The following LINGO1 variants were observed in gnomAD, a reference collection of about 807,000 sequenced individuals.
LINGO1 encodes the protein leucine-rich repeat and immunoglobulin-like domain-containing nogo receptor-interacting protein 1.
LINGO1 carries 11 observed loss-of-function variants against 37.3 expected under a neutral mutation model. The ratio of observed to expected loss-of-function variants is 0.29; its 90% CI spans 0.19 to 0.49. The LOEUF (loss-of-function observed/expected upper bound fraction) is 0.49, where lower values mean the gene tolerates loss of function less well. Ranked by LOEUF, LINGO1 falls within the 20% of genes least tolerant of loss-of-function variation. LINGO1 has a pLI of 0.99. For missense variants in LINGO1, 585 were observed against 878.2 expected, an observed-to-expected ratio of 0.67 and a Z score of 4.22; for synonymous variants, 387 against 403.0, an observed-to-expected ratio of 0.96 and a Z score of 0.48.
In LINGO1 at chr15:77,621,866, C is replaced by T. The variant is rs189174575; in HGVS notation, c.7-5966G>A. Among the ~76,000 whole-genome samples, 234 of 152,304 alleles carry T rather than the reference C, an allele frequency of 1.5e-3. 2 individuals carry two copies. Among genetic ancestry groups the T allele is most frequent in the African/African-American group, 5.2e-3 (216 of 41,560 alleles). On this transcript the variant is annotated intron_variant, in intron 1 of 1. Coordinates refer to ENST00000355300, the MANE Select transcript of LINGO1 (RefSeq NM_032808.7). ...CCAGGTTTATGGTATCAGTATTTCA[C>T]GGTGCTCCCACTCAGCGTTCCTCGG...
intron 2 of LINGO1, among the ~76,000 whole-genome samples, chr15:77,732,209 G>T (rs757043683): frequency 6.6e-6 from 1 of 152,204 alleles, no homozygotes; most frequent in Non-Finnish European, 1.5e-5. Flanking sequence ...TTTACTGCTA[G>T]GTCCACCCAC....
At chr15:77,711,467 G>A (rs2141293078) in intron 2 of LINGO1, among the ~76,000 whole-genome samples, 1 of 152,278 alleles carries the variant, frequency 6.6e-6, no homozygotes, top group South Asian at 2.1e-4. Context: ...TAGGCCTGAG[G>A]CCTGCATCCT....
At chr15:77,814,691 C>A (rs1337832935) in intron 1 of LINGO1, among the ~76,000 whole-genome samples, 4 of 152,200 alleles carry the variant, frequency 2.6e-5, no homozygotes, top group Non-Finnish European at 5.9e-5. Context: ...CAAGCTCACC[C>A]AGCTTGAAGC....
intron 2 of LINGO1, among the ~76,000 whole-genome samples, chr15:77,688,255 C>T (rs116081173): frequency 0.033 from 5,087 of 152,338 alleles, 326 homozygotes; most frequent in African/African-American, 0.12. Flanking sequence ...AAGCCCCCCA[C>T]TGTCTCTGCT....
At chr15:77,723,080 C>T (rs1008875839) in intron 2 of LINGO1, among the ~76,000 whole-genome samples, 1 of 152,166 alleles carries the variant, frequency 6.6e-6, no homozygotes, top group Non-Finnish European at 1.5e-5. Flanking sequence ...CCTCTCTGAG[C>T]TCTAGTTTTC....
At chr15:77,622,234 C>T (rs56340837) in intron 1 of LINGO1, among the ~76,000 whole-genome samples, 2,513 of 151,234 alleles carry the variant, frequency 0.017, 75 homozygotes, top group African/African-American at 0.058. Context: ...CAGAGACACC[C>T]GGGAGACACG....
chr15:77,771,656 G>T (rs2076586832), intron 1 of LINGO1, among the ~76,000 whole-genome samples: 1 of 152,232 alleles, frequency 6.6e-6, no homozygotes, highest in Non-Finnish European at 1.5e-5. Flanking sequence ...CACCCGAGGA[G>T]GAGGAGACTG....
At chr15:77,742,927 T>C (rs984993553) in intron 1 of LINGO1, among the ~76,000 whole-genome samples, 9 of 152,190 alleles carry the variant, frequency 5.9e-5, no homozygotes, top group South Asian at 2.1e-4. Context: ...TCACAGCCAG[T>C]GCATTTCCAC....
rs112299145 is a variant in LINGO1 at position 77,736,465 on chromosome 15, A to G, written c.-256-1412T>C. Among the ~76,000 whole-genome samples the G allele has an allele frequency of 1.4e-4, 21 of 152,226 alleles. 1 individual carries two copies. The highest frequency in any genetic ancestry group is 4.6e-4 in the African/African-American group (19 of 41,522). On this transcript the variant is annotated intron_variant, in intron 1 of 3. Coordinates refer to the LINGO1 transcript ENST00000561686. ...TGCTGTGTTGATCCTCATTTTGTAG[A>G]TGAGAAACTGAAGTGGGCCAGATGT...
intron 3 of LINGO1, among the ~76,000 whole-genome samples, chr15:77,652,481 A>AGTGTGT (rs1490464576): frequency 1.8e-5 from 1 of 56,296 alleles, no homozygotes; most frequent in Non-Finnish European, 3.5e-5. Flanking sequence ...CTGGGGAGGG[A>AGTGTGT]GAGTGTGTGT....
At chr15:77,777,487 A>G (rs2076672868) in intron 1 of LINGO1, among the ~76,000 whole-genome samples, 1 of 120,172 alleles carries the variant, frequency 8.3e-6, no homozygotes, top group African/African-American at 3.1e-5. Flanking sequence ...ACACACACAC[A>G]CACACACACA....
upstream of LINGO1, among the ~76,000 whole-genome samples, chr15:77,636,232 C>A (rs534648172): frequency 6.6e-6 from 1 of 152,080 alleles, no homozygotes; most frequent in African/African-American, 2.4e-5. Flanking sequence ...GGAGCTGGGG[C>A]AAGGACCAAG....
intron 1 of LINGO1, among the ~76,000 whole-genome samples, chr15:77,806,251 G>A (rs986604479): frequency 2.0e-5 from 3 of 152,006 alleles, no homozygotes; most frequent in South Asian, 2.1e-4. Flanking sequence ...TGAGAGACGC[G>A]AGGGCAGAGG....
At chr15:77,635,043 C>T (rs981548481), upstream of LINGO1, among the ~76,000 whole-genome samples, 1 of 152,214 alleles carries the variant, frequency 6.6e-6, no homozygotes. Flanking sequence ...AGAGCCCACT[C>T]ATTCCACCCC....
At chr15:77,634,418 A>C, upstream of LINGO1, 1 of 446,770 alleles carries the variant, frequency 2.2e-6, no homozygotes, top group African/African-American at 2.0e-5. Flanking sequence ...AGTCCCTCCT[A>C]GCAGGCGTCC....
chr15:77,751,574 T>A (rs1464783679), intron 1 of LINGO1, among the ~76,000 whole-genome samples: 1 of 152,110 alleles, frequency 6.6e-6, no homozygotes, highest in Non-Finnish European at 1.5e-5. Flanking sequence ...CTGGAGGGCT[T>A]CCTGGAGAAG....
chr15:77,633,656 C>T (rs2074334646), upstream of LINGO1, among the ~76,000 whole-genome samples: 1 of 152,210 alleles, frequency 6.6e-6, no homozygotes, highest in Non-Finnish European at 1.5e-5. Context: ...GGAGGCCCTG[C>T]ACCCAGTGGC....
chr15:77,642,954 T>G (rs547799627), intron 3 of LINGO1, among the ~76,000 whole-genome samples: 1 of 152,214 alleles, frequency 6.6e-6, no homozygotes, highest in South Asian at 2.1e-4. Flanking sequence ...ATGCAGCGAG[T>G]CAGCAAGGAA....
At chr15:77,689,895 C>T (rs2075574037) in intron 2 of LINGO1, among the ~76,000 whole-genome samples, 1 of 152,176 alleles carries the variant, frequency 6.6e-6, no homozygotes, top group Non-Finnish European at 1.5e-5. Flanking sequence ...GGGAAGGGAA[C>T]AAGGATTTAC....
Sources: gnomAD v4.1 joint callset for allele counts (sites outside exome capture counted in the v4.1 genomes callset) on GRCh38, gnomAD v4.1.1 for gene constraint, MANE v1.5 for transcripts, NCBI Gene and HGNC (gene_info 2026-07-23, HGNC 2026-07-21) for gene names.